Variants in GPC6 observed in about 807,000 individuals in gnomAD.
GPC6 encodes the protein glypican 6.
A neutral mutation model predicts 55.2 loss-of-function variants in GPC6; 14 were observed. The ratio of observed to expected loss-of-function variants is 0.25; its 90% CI spans 0.17 to 0.40. The LOEUF (loss-of-function observed/expected upper bound fraction) is 0.40, where lower values mean the gene tolerates loss of function less well. Ranked by LOEUF, GPC6 falls within the 10% of genes least tolerant of loss-of-function variation. GPC6 has a pLI of 1.00. For synonymous variants in GPC6, 278 were observed against 259.6 expected, an observed-to-expected ratio of 1.07 and a Z score of -0.68; for missense variants, 641 against 708.5, an observed-to-expected ratio of 0.90 and a Z score of 1.08.
chr13:93,396,185 T>C (rs1304719431), intron 1 of GPC6, among the ~76,000 whole-genome samples: 1 of 152,176 alleles, frequency 6.6e-6, no homozygotes, highest in East Asian at 1.9e-4. Flanking sequence ...CATGTGTTTA[T>C]TGTAGAAATG....
At chr13:93,332,532 C>G (rs1575524) in intron 1 of GPC6, among the ~76,000 whole-genome samples, 149,126 of 152,266 alleles carry the variant, frequency 0.98, 73,051 homozygotes, top group East Asian at 1. Flanking sequence ...CTGTTCTGAT[C>G]ATTTGCCCAT....
At chr13:93,547,059 G>A (rs1159676920) in intron 2 of GPC6, among the ~76,000 whole-genome samples, 1 of 152,064 alleles carries the variant, frequency 6.6e-6, no homozygotes, top group Non-Finnish European at 1.5e-5. Context: ...GGCCAGGCAT[G>A]GTGGCTCATG....
intron 2 of GPC6, among the ~76,000 whole-genome samples, chr13:93,571,698 C>T (rs1876413543): frequency 6.6e-6 from 1 of 152,118 alleles, no homozygotes; most frequent in Non-Finnish European, 1.5e-5. Flanking sequence ...TTTCTCTAAG[C>T]CCTTCACATG....
intron 1 of GPC6, among the ~76,000 whole-genome samples, chr13:93,530,056 A>T (rs1231247177): frequency 6.6e-6 from 1 of 152,182 alleles, no homozygotes; most frequent in East Asian, 1.9e-4. Context: ...TAAACAAGAC[A>T]CAGTTCGTAA....
intron 3 of GPC6, among the ~76,000 whole-genome samples, chr13:93,973,832 G>A (rs910743843): frequency 1.3e-5 from 2 of 152,042 alleles, no homozygotes; most frequent in African/African-American, 4.8e-5. Context: ...AGTTTTTTAC[G>A]AGGTTCTCAA....
intron 1 of GPC6, among the ~76,000 whole-genome samples, chr13:93,454,743 G>A (rs1175786627): frequency 6.6e-6 from 1 of 152,226 alleles, no homozygotes; most frequent in Non-Finnish European, 1.5e-5. Context: ...TCCCGCACCC[G>A]GGCTGCAGGT....
chr13:94,097,707 C>G (rs1885718529), intron 4 of GPC6, among the ~76,000 whole-genome samples: 1 of 152,026 alleles, frequency 6.6e-6, no homozygotes, highest in African/African-American at 2.4e-5. Context: ...AAATGCAACA[C>G]AGTTGGGGAA....
chr13:94,386,813 G>A (rs984729055), intron 7 of GPC6, among the ~76,000 whole-genome samples: 1 of 151,914 alleles, frequency 6.6e-6, no homozygotes, highest in Non-Finnish European at 1.5e-5. Context: ...GTTTGTACCC[G>A]CTCCTGCAGC....
chr13:93,826,876 G>T (rs1887278309), intron 2 of GPC6, among the ~76,000 whole-genome samples: 1 of 152,062 alleles, frequency 6.6e-6, no homozygotes, highest in Non-Finnish European at 1.5e-5. Flanking sequence ...TTTTGCTTTT[G>T]CAACAGTGGT....
chr13:93,642,726 C>A (rs1254028052), intron 2 of GPC6, among the ~76,000 whole-genome samples: 1 of 151,970 alleles, frequency 6.6e-6, no homozygotes, highest in Admixed American at 6.6e-5. Flanking sequence ...TCATTGCTGA[C>A]AATTTGTAGT....
At chr13:93,255,311 T>A (rs1027887715) in intron 1 of GPC6, among the ~76,000 whole-genome samples, 11 of 152,212 alleles carry the variant, frequency 7.2e-5, no homozygotes, top group African/African-American at 2.7e-4. Context: ...GAGATTTCCA[T>A]CACCTTAAAG....
chr13:94,209,635 T>A (rs536902501), intron 4 of GPC6, among the ~76,000 whole-genome samples: 15 of 151,528 alleles, frequency 9.9e-5, no homozygotes, highest in African/African-American at 3.2e-4. Context: ...TCCCTTTTTT[T>A]AAGACAATAC....
chr13:93,735,819 G>A (rs908256428), intron 2 of GPC6, among the ~76,000 whole-genome samples: 2 of 152,152 alleles, frequency 1.3e-5, no homozygotes, highest in African/African-American at 4.8e-5. Flanking sequence ...CTATTTGTCT[G>A]GAGGATCTGA....
At chr13:94,029,811 C>T (rs1358252376) in intron 4 of GPC6, among the ~76,000 whole-genome samples, 1 of 152,080 alleles carries the variant, frequency 6.6e-6, no homozygotes. Flanking sequence ...GCTGTTTTAA[C>T]GGAAAACAAA....
chr13:94,192,452 G>A (rs1420842241), intron 4 of GPC6, among the ~76,000 whole-genome samples: 1 of 152,128 alleles, frequency 6.6e-6, no homozygotes, highest in Admixed American at 6.5e-5. Context: ...TATGTCTGGG[G>A]TCTGGGTTAG....
intron 1 of GPC6, among the ~76,000 whole-genome samples, chr13:93,273,653 G>C (rs563526560): frequency 6.6e-6 from 1 of 151,948 alleles, no homozygotes; most frequent in Admixed American, 6.6e-5. Flanking sequence ...GCGAGACTCC[G>C]TCTCAAAAAA....
In GPC6 at chr13:94,228,088, A is replaced by G. The variant is rs1379692145; in HGVS notation, c.878-58261A>G. On this transcript the variant is annotated intron_variant, in intron 4 of 8. Transcript: ENST00000377047. Reference sequence around the variant, plus strand: ...ATAAGCTCATTAATTGTTCCGTGGGACAAGATTGCCAAAACAGCTAATGCC... The same window carrying G: ...ATAAGCTCATTAATTGTTCCGTGGGGCAAGATTGCCAAAACAGCTAATGCC... Among the ~76,000 whole-genome samples, 6 of 152,194 alleles carry G rather than the reference A, an allele frequency of 3.9e-5. No individual in the cohort carries two copies. In the East Asian group the frequency reaches 1.2e-3, roughly 29 times the overall value.
At chr13:93,422,949 A>C (rs560816183) in intron 1 of GPC6, among the ~76,000 whole-genome samples, 2 of 152,242 alleles carry the variant, frequency 1.3e-5, no homozygotes, top group Non-Finnish European at 2.9e-5. Context: ...TTTCCATATA[A>C]ATTTGTGCTG....
chr13:93,442,949 T>C (rs1035800943), intron 1 of GPC6, among the ~76,000 whole-genome samples: 1 of 152,180 alleles, frequency 6.6e-6, no homozygotes, highest in African/African-American at 2.4e-5. Flanking sequence ...TACATCCATG[T>C]GTGCTTGTCT....
Sources: gnomAD v4.1 joint callset for allele counts (sites outside exome capture counted in the v4.1 genomes callset) on GRCh38, gnomAD v4.1.1 for gene constraint, MANE v1.5 for transcripts, NCBI Gene and HGNC (gene_info 2026-07-23, HGNC 2026-07-21) for gene names.